Variants in FRMPD4 observed in about 807,000 individuals in gnomAD.
The protein encoded by FRMPD4 is FERM and PDZ domain containing 4.
In FRMPD4, 22 loss-of-function variants were observed where a neutral mutation model predicts 94.1. That is an observed-to-expected ratio of 0.23 (90% CI 0.17 to 0.33). The LOEUF is 0.33. Among genes scored for constraint, FRMPD4 ranks in the 10% least tolerant of loss-of-function variants. The probability of loss-of-function intolerance (pLI) is 1.00; values close to 1 mark genes in which losing one functional copy is unlikely to be tolerated. For missense variants in FRMPD4, 1,111 were observed against 1,339.9 expected (o/e 0.83, Z 2.67); for synonymous variants, 631 against 548.6 (o/e 1.15, Z -2.10).
intron 1 of FRMPD4, among the ~76,000 whole-genome samples, chrX:11,824,501 C>T (rs144300049): frequency 9.0e-6 from 1 of 111,003 alleles, no homozygotes; most frequent in Non-Finnish European, 1.9e-5. Flanking sequence ...TAGTCTCTAC[C>T]CACTAAATGT....
In FRMPD4 at chrX:12,086,777, T is replaced by G. The variant is rs190078674; in HGVS notation, c.95+208759T>G. Among the ~76,000 whole-genome samples the G allele has an allele frequency of 2.2e-3, 242 of 112,001 alleles. 1 individual carries two copies. Among genetic ancestry groups the G allele is most frequent in the African/African-American group, 7.3e-3 (225 of 30,840 alleles). On this transcript the variant is annotated intron_variant, in intron 3 of 18. Coordinates refer to the FRMPD4 transcript ENST00000640291. ...TCCTCCAGTTTCCATGGGTCAGAAGTCCAGGCAGGGCTGAGCTGGATCTTC... is the reference window on the plus strand; with the variant it reads ...TCCTCCAGTTTCCATGGGTCAGAAGGCCAGGCAGGGCTGAGCTGGATCTTC...
chrX:12,409,765 C>T (rs1428016896), intron 1 of FRMPD4, among the ~76,000 whole-genome samples: 1 of 111,588 alleles, frequency 9.0e-6, no homozygotes, highest in Non-Finnish European at 1.9e-5. Context: ...GGAATTAGTC[C>T]ATAAAATGAA....
intron 4 of FRMPD4, among the ~76,000 whole-genome samples, chrX:12,663,089 A>G (rs1251783321): frequency 8.9e-6 from 1 of 112,017 alleles, no homozygotes; most frequent in African/African-American, 3.3e-5. Flanking sequence ...TTCCTTATAG[A>G]TTCTGGATAT....
At chrX:12,665,538 T>C (rs766477747) in intron 4 of FRMPD4, among the ~76,000 whole-genome samples, 1 of 112,214 alleles carries the variant, frequency 8.9e-6, no homozygotes, top group South Asian at 3.7e-4. Flanking sequence ...CCTGGATTCA[T>C]TGGTTTGTGA....
At chrX:12,232,536 A>G (rs1181234070) in intron 1 of FRMPD4, among the ~76,000 whole-genome samples, 1 of 110,844 alleles carries the variant, frequency 9.0e-6, no homozygotes, top group Non-Finnish European at 1.9e-5. Context: ...TATGGGAACT[A>G]CAATTCAAGA....
chrX:12,322,788 C>T (rs889394892), intron 1 of FRMPD4, among the ~76,000 whole-genome samples: 6 of 111,034 alleles, frequency 5.4e-5, no homozygotes, highest in South Asian at 3.8e-4. Flanking sequence ...GATATCAGTG[C>T]CTTTTATGTA....
rs1256863923 is a variant in FRMPD4 at position 12,489,360 on chromosome X, C to CTA, written c.42-9319_42-9318insAT. Among the ~76,000 whole-genome samples the CTA allele has an allele frequency of 2.4e-4, 27 of 112,001 alleles. No homozygotes were observed. The East Asian group carries it at 7.3e-3, about 30-fold the overall frequency. Reference sequence around the variant, plus strand: ...CCCCAACAAACAGTGAGAATATAATCTTCACAATGAATAGCTAAATCGGAA... The same window carrying CTA: ...CCCCAACAAACAGTGAGAATATAATCTATTCACAATGAATAGCTAAATCGGAA... On this transcript the variant is annotated intron_variant, in intron 1 of 16. Coordinates refer to ENST00000675598, the MANE Select transcript of FRMPD4 (RefSeq NM_001368397.1).
At position 12,723,857 on chromosome X, in the gene FRMPD4, C is replaced by G. The variant is rs919970561; in HGVS notation, c.*1999C>G. On this transcript the variant is annotated 3_prime_UTR_variant, in exon 17 of 17. Transcript: ENST00000675598. ...TTCTAGCCCTTTTATGTTGGGAAAGCTACTTTTTCTAGTCTCAATTTCCTC... is the reference window on the plus strand; with the variant it reads ...TTCTAGCCCTTTTATGTTGGGAAAGGTACTTTTTCTAGTCTCAATTTCCTC... The G allele has an allele frequency of 9.0e-6, 1 of 111,390 alleles. No individual in the cohort carries two copies. The highest frequency in any genetic ancestry group is 3.3e-5 in the African/African-American group (1 of 30,626). The allele number at this position is 111,390 out of a possible 1,213,427, so 9.2% of individuals were successfully genotyped here.
At chrX:11,830,717 A>G (rs1004259681) in intron 1 of FRMPD4, among the ~76,000 whole-genome samples, 2 of 111,765 alleles carry the variant, frequency 1.8e-5, no homozygotes, top group African/African-American at 6.5e-5. Flanking sequence ...TCTGTGTTAA[A>G]TTTATTTACC....
chrX:12,181,744 C>T (rs183704206), intron 1 of FRMPD4, among the ~76,000 whole-genome samples: 3,067 of 111,119 alleles, frequency 0.028, 34 homozygotes, highest in Non-Finnish European at 0.041. Flanking sequence ...AGTATTAAAC[C>T]GAGTGTGGGT....
At chrX:11,922,256 G>A (rs1267791233) in intron 3 of FRMPD4, among the ~76,000 whole-genome samples, 6 of 111,535 alleles carry the variant, frequency 5.4e-5, no homozygotes, top group African/African-American at 2.0e-4. Flanking sequence ...TTAAAATCAT[G>A]GCAGAAGGCA....
rs775725857 is a variant in FRMPD4, at chrX:11,893,930, G to A, written c.95+15912G>A. 6.3e-5 allele frequency among the ~76,000 whole-genome samples: 7 copies of A among 111,896 alleles called. No homozygotes were observed. In the South Asian group the frequency reaches 2.6e-3, roughly 42 times the overall value. ...TACTAATCTATATGTTGTTGTGAAG[G>A]GATTCTGCAGGTGCAATTAAGATCC... is the stretch of plus-strand genomic sequence containing the variant. On this transcript the variant is annotated intron_variant, in intron 3 of 18. Transcript: ENST00000640291.
intron 3 of FRMPD4, among the ~76,000 whole-genome samples, chrX:11,935,072 A>ATTTTTTTTTTTTTTTTT (rs753999126): frequency 2.5e-5 from 1 of 40,240 alleles, no homozygotes; most frequent in Non-Finnish European, 4.4e-5. Flanking sequence ...ACTATTGGTG[A>ATTTTTTTTTTTTTTTTT]TTTTTTTTTT....
chrX:12,429,639 C>A (rs2056989937), intron 1 of FRMPD4, among the ~76,000 whole-genome samples: 1 of 112,043 alleles, frequency 8.9e-6, no homozygotes, highest in Non-Finnish European at 1.9e-5. Flanking sequence ...ACATAGTTTT[C>A]AAAGGTAGAG....
At chrX:12,717,343 A>C (rs2042110894) in intron 15 of FRMPD4, among the ~76,000 whole-genome samples, 158 bp from the exon 16 acceptor site, 1 of 106,350 alleles carries the variant, frequency 9.4e-6, no homozygotes, top group Non-Finnish European at 1.9e-5. Flanking sequence ...ATCTCCCCCC[A>C]CCCCCATTTC....
chrX:12,530,988 A>T (rs1351133283), intron 2 of FRMPD4, among the ~76,000 whole-genome samples: 2 of 111,417 alleles, frequency 1.8e-5, no homozygotes, highest in Admixed American at 1.9e-4. Flanking sequence ...AGTTTTAGGG[A>T]TAGAGGACAG....
chrX:12,058,480 T>A (rs1179423176), intron 3 of FRMPD4, among the ~76,000 whole-genome samples: 1 of 109,918 alleles, frequency 9.1e-6, no homozygotes, highest in Non-Finnish European at 1.9e-5. Context: ...CCAACAAGAG[T>A]CAATCATAAA....
In FRMPD4 at chrX:12,633,257, A is replaced by G. The variant is rs140160452; in HGVS notation, c.422+18376A>G. On this transcript the variant is annotated intron_variant, in intron 4 of 16. Coordinates refer to ENST00000675598, the MANE Select transcript of FRMPD4 (RefSeq NM_001368397.1). ...GTGAGAGGAAGTGAATAGAGGGATAACAAGGTGAGTTTTAGGAAAGAAACT... is the reference window on the plus strand; with the variant it reads ...GTGAGAGGAAGTGAATAGAGGGATAGCAAGGTGAGTTTTAGGAAAGAAACT... Among the ~76,000 whole-genome samples the G allele has an allele frequency of 1.9e-3, 218 of 112,349 alleles. 1 individual carries two copies. Among genetic ancestry groups the G allele is most frequent in the African/African-American group, 6.8e-3 (210 of 30,958 alleles).
chrX:12,440,548 T>C (rs747640558), intron 1 of FRMPD4, among the ~76,000 whole-genome samples: 16 of 111,752 alleles, frequency 1.4e-4, no homozygotes, highest in East Asian at 5.6e-4. Flanking sequence ...GACTTTGATA[T>C]TACTTGCATC....
Sources: gnomAD v4.1 joint callset for allele counts (sites outside exome capture counted in the v4.1 genomes callset) on GRCh38, gnomAD v4.1.1 for gene constraint, MANE v1.5 for transcripts, NCBI Gene and HGNC (gene_info 2026-07-23, HGNC 2026-07-21) for gene names.